The following SDK2 variants were observed in gnomAD, a reference collection of about 807,000 sequenced individuals.
SDK2 encodes the protein protein sidekick-2.
SDK2 carries 105 observed loss-of-function variants against 253.9 expected under a neutral mutation model. The ratio of observed to expected loss-of-function variants is 0.41; its 90% CI spans 0.35 to 0.49. SDK2 has a LOEUF of 0.49. SDK2 is among the 20% of genes least tolerant of loss of function. SDK2 has a pLI of 0.06. For synonymous variants in SDK2, 1,249 were observed against 1,234.9 expected, an observed-to-expected ratio of 1.01 and a Z score of -0.24; for missense variants, 2,608 against 3,003.0, an observed-to-expected ratio of 0.87 and a Z score of 3.07.
chr17:73,542,420 T>C (rs973840723), intron 1 of SDK2, among the ~76,000 whole-genome samples: 13 of 152,074 alleles, frequency 8.5e-5, no homozygotes, highest in African/African-American at 3.1e-4. Flanking sequence ...TGCCTGTTGG[T>C]GGAGGGGGCT....
chr17:73,524,844 A>G (rs1200257314), intron 1 of SDK2, among the ~76,000 whole-genome samples: 1 of 152,254 alleles, frequency 6.6e-6, no homozygotes, highest in African/African-American at 2.4e-5. Flanking sequence ...GCGGTTTGGA[A>G]AGGCAACAGA....
In SDK2 at chr17:73,430,762, T is replaced by TG. The variant is rs2063320584; in HGVS notation, c.1481-150dup. ...TAATTCTTGGAAGCCACGTCATAGT[T>TG]GGGGCTCATTAAATTTTGCTCTCAC... is the stretch of plus-strand genomic sequence containing the variant. On this transcript the variant is annotated intron_variant, in intron 11 of 44. Transcript: ENST00000392650. 7.2e-6 allele frequency: 4 copies of TG among 553,660 alleles called. No individual in the cohort carries two copies. The South Asian group carries it at 9.6e-5, about 13-fold the overall frequency. 34.3% of individuals were successfully genotyped at this position (553,660 alleles called of 1,614,324 possible).
intron 1 of SDK2, among the ~76,000 whole-genome samples, chr17:73,584,750 C>T (rs1389843088): frequency 1.3e-5 from 2 of 152,170 alleles, no homozygotes; most frequent in East Asian, 1.9e-4. Context: ...GGTCAGGCTC[C>T]GCATCTTAAT....
chr17:73,407,486 CTAA>C (rs1368589826), intron 18 of SDK2, among the ~76,000 whole-genome samples: 3 of 152,192 alleles, frequency 2.0e-5, no homozygotes, highest in African/African-American at 7.2e-5. Flanking sequence ...CCTTGGTTAT[CTAA>C]TAATACTACC....
chr17:73,424,710 G>A (rs11871211), intron 12 of SDK2, among the ~76,000 whole-genome samples: 109,286 of 152,130 alleles, frequency 0.72, 40,088 homozygotes, highest in Admixed American at 0.78. Context: ...CCAGCCCTGG[G>A]GGGCAGGATG....
At chr17:73,508,955 C>T (rs947801706) in intron 1 of SDK2, among the ~76,000 whole-genome samples, 6 of 152,244 alleles carry the variant, frequency 3.9e-5, no homozygotes, top group South Asian at 2.1e-4. Flanking sequence ...CTATGTGCCA[C>T]GGGCTTGAGG....
chr17:73,638,028 C>T (rs929570123), intron 1 of SDK2, among the ~76,000 whole-genome samples: 1 of 152,188 alleles, frequency 6.6e-6, no homozygotes, highest in Non-Finnish European at 1.5e-5. Flanking sequence ...TGCTGGAGGG[C>T]GGGGCCCCCA....
intron 3 of SDK2, among the ~76,000 whole-genome samples, chr17:73,471,469 C>A (rs1476747086): frequency 6.6e-6 from 1 of 152,104 alleles, no homozygotes; most frequent in Non-Finnish European, 1.5e-5. Context: ...TGTGGTGGCA[C>A]ATGCCTGTAA....
intron 17 of SDK2, 25 bp from the exon 18 acceptor site, chr17:73,414,784 G>A (rs749426696): frequency 2.5e-5 from 35 of 1,422,576 alleles, no homozygotes; most frequent in Non-Finnish European, 3.4e-5. Context: ...AGAACGGGGT[G>A]GGGTGGAGGG....
chr17:73,596,397 GC>G (rs897418392), intron 1 of SDK2, among the ~76,000 whole-genome samples: 1 of 152,184 alleles, frequency 6.6e-6, no homozygotes, highest in Non-Finnish European at 1.5e-5. Context: ...ATTGGCCGGA[GC>G]TCCAGTCAAC....
chr17:73,464,626 G>C (rs1214587496), intron 3 of SDK2, among the ~76,000 whole-genome samples: 1 of 152,090 alleles, frequency 6.6e-6, no homozygotes, highest in African/African-American at 2.4e-5. Flanking sequence ...CAGCTACCTG[G>C]CCTCAGACAC....
chr17:73,615,941 G>A (rs2046049305), intron 1 of SDK2, among the ~76,000 whole-genome samples: 1 of 152,042 alleles, frequency 6.6e-6, no homozygotes, highest in African/African-American at 2.4e-5. Context: ...AAATACACAT[G>A]CATGTGACAC....
chr17:73,414,528 G>A (rs1187682882), intron 18 of SDK2, 116 bp downstream of exon 18: 2 of 765,102 alleles, frequency 2.6e-6, no homozygotes, highest in Non-Finnish European at 4.4e-6. Flanking sequence ...AGCTTGACTC[G>A]AGCCAATGAC....
At chr17:73,483,689 ATATATATATATATATATATTT>A (rs1567799408) in intron 2 of SDK2, among the ~76,000 whole-genome samples, 3 of 67,798 alleles carry the variant, frequency 4.4e-5, no homozygotes, top group African/African-American at 1.8e-4. Flanking sequence ...ATATTTATAT[ATATATATATATATATATATTT>A]TTTTTTTTTT....
At chr17:73,425,432 T>C (rs190292011) in intron 12 of SDK2, among the ~76,000 whole-genome samples, 1 of 152,258 alleles carries the variant, frequency 6.6e-6, no homozygotes, top group Non-Finnish European at 1.5e-5. Flanking sequence ...CACTGCTGCA[T>C]TCAGGAGTCA....
chr17:73,617,145 G>A (rs545172977), intron 1 of SDK2, among the ~76,000 whole-genome samples: 7 of 151,424 alleles, frequency 4.6e-5, no homozygotes, highest in Admixed American at 2.0e-4. Flanking sequence ...CCTCTGGGGA[G>A]GGGAGAAGCT....
intron 1 of SDK2, among the ~76,000 whole-genome samples, chr17:73,533,180 T>C (rs528912586): frequency 3.3e-4 from 50 of 152,296 alleles, no homozygotes; most frequent in African/African-American, 1.2e-3. Flanking sequence ...CGGTATCCCC[T>C]TCGGCTGGTA....
At chr17:73,556,002 G>A (rs1399984418) in intron 1 of SDK2, among the ~76,000 whole-genome samples, 1 of 152,132 alleles carries the variant, frequency 6.6e-6, no homozygotes, top group African/African-American at 2.4e-5. Flanking sequence ...TGAGCTTCTG[G>A]GGTTTCCAGG....
At chr17:73,575,678 G>T in intron 1 of SDK2, among the ~76,000 whole-genome samples, 1 of 152,332 alleles carries the variant, frequency 6.6e-6, no homozygotes, top group Admixed American at 6.5e-5. Flanking sequence ...TCTGGCACTT[G>T]GCAAGTAAGA....
Sources: gnomAD v4.1 joint callset for allele counts (sites outside exome capture counted in the v4.1 genomes callset) on GRCh38, gnomAD v4.1.1 for gene constraint, MANE v1.5 for transcripts, NCBI Gene and HGNC (gene_info 2026-07-23, HGNC 2026-07-21) for gene names.